The following LHFPL3 variants were observed in gnomAD, a reference collection of about 807,000 sequenced individuals.
LHFPL3 encodes the protein LHFPL tetraspan subfamily member 3 protein.
Under a neutral mutation model 19.3 loss-of-function variants are expected in LHFPL3, and 5 were observed. The ratio of observed to expected loss-of-function variants is 0.26; its 90% CI spans 0.14 to 0.54. The LOEUF is 0.54. LHFPL3 is among the 20% of genes least tolerant of loss of function. The pLI is 0.94. For missense variants in LHFPL3, 249 were observed against 307.4 expected (o/e 0.81, Z 1.42); for synonymous variants, 133 against 126.2 (o/e 1.05, Z -0.36).
At chr7:104,391,783 G>T (rs1210782585) in intron 1 of LHFPL3, among the ~76,000 whole-genome samples, 1 of 152,066 alleles carries the variant, frequency 6.6e-6, no homozygotes, top group Admixed American at 6.6e-5. Flanking sequence ...GGCAGTATGA[G>T]CATTTTCACA....
chr7:104,458,319 C>G (rs575685644), intron 1 of LHFPL3, among the ~76,000 whole-genome samples: 4 of 152,316 alleles, frequency 2.6e-5, no homozygotes, highest in Admixed American at 2.6e-4. Context: ...GATCCAGTTT[C>G]AGCTTTCTAC....
Position 104,481,079 on chromosome 7 carries a change from G to A in LHFPL3, c.445+151855G>A, listed in dbSNP as rs191083636. Among the ~76,000 whole-genome samples, 34 of 152,088 alleles carry A rather than the reference G, an allele frequency of 2.2e-4. No homozygotes were observed. The East Asian group carries it at 5.8e-3, about 26-fold the overall frequency. ...CACAGTCATCATCTATTAAATGCTG[G>A]GCTGCCCTAACACAGACATTTCTAC... On this transcript the variant is annotated intron_variant, in intron 1 of 2. Coordinates refer to ENST00000424859, the MANE Select transcript of LHFPL3 (RefSeq NM_199000.3).
intron 1 of LHFPL3, among the ~76,000 whole-genome samples, chr7:104,729,818 C>T (rs1793661699): frequency 6.6e-6 from 1 of 152,000 alleles, no homozygotes; most frequent in African/African-American, 2.4e-5. Flanking sequence ...CATATGTATA[C>T]ATGTGACATG....
chr7:104,471,578 G>T (rs1046626419), intron 1 of LHFPL3, among the ~76,000 whole-genome samples: 4 of 152,202 alleles, frequency 2.6e-5, no homozygotes, highest in African/African-American at 9.7e-5. Flanking sequence ...TTTAAAGCCT[G>T]TGGTCTTGAA....
chr7:104,858,815 C>T lies in LHFPL3; in HGVS notation c.683-47372C>T, dbSNP rs191243187. Among the ~76,000 whole-genome samples, 11 of 152,072 alleles carry T rather than the reference C, an allele frequency of 7.2e-5. No individual in the cohort carries two copies. The East Asian group carries it at 2.1e-3, about 29-fold the overall frequency. ...AGTCTGTCAATTACTTTTTTTTCTCCACATTGGAGTACTTTCTCCCAAGTT... is the reference window on the plus strand; with the variant it reads ...AGTCTGTCAATTACTTTTTTTTCTCTACATTGGAGTACTTTCTCCCAAGTT... On this transcript the variant is annotated intron_variant, in intron 2 of 2. Transcript: ENST00000424859.
intron 2 of LHFPL3, among the ~76,000 whole-genome samples, chr7:104,750,988 G>A (rs1002076712): frequency 5.3e-5 from 8 of 151,930 alleles, no homozygotes; most frequent in African/African-American, 1.7e-4. Context: ...GTTATATTCT[G>A]TTTATTTAAG....
At chr7:104,338,093 CTTTTTTTT>C (rs71296520) in intron 1 of LHFPL3, among the ~76,000 whole-genome samples, 2 of 85,846 alleles carry the variant, frequency 2.3e-5, no homozygotes, top group East Asian at 3.9e-4. Flanking sequence ...TTTCCTTTTT[CTTTTTTTT>C]TTTTTTTTTT....
intron 2 of LHFPL3, among the ~76,000 whole-genome samples, chr7:104,856,928 C>T (rs1484012750): frequency 6.6e-6 from 1 of 151,994 alleles, no homozygotes; most frequent in Non-Finnish European, 1.5e-5. Flanking sequence ...TCTCAGGCTG[C>T]AAGAATAGGA....
At chr7:104,714,873 T>TG (rs1334044597) in intron 1 of LHFPL3, among the ~76,000 whole-genome samples, 115 of 152,024 alleles carry the variant, frequency 7.6e-4, no homozygotes, top group African/African-American at 2.3e-3. Context: ...GAGGGATGCG[T>TG]TTGTGTGTGT....
chr7:104,871,521 ATT>A (rs1024936522), intron 2 of LHFPL3, among the ~76,000 whole-genome samples: 3 of 152,080 alleles, frequency 2.0e-5, no homozygotes, highest in East Asian at 1.9e-4. Context: ...TATTTTTAAT[ATT>A]TTTCTTTCCT....
At chr7:104,505,944 C>T (rs1230120350) in intron 1 of LHFPL3, among the ~76,000 whole-genome samples, 1 of 152,048 alleles carries the variant, frequency 6.6e-6, no homozygotes, top group African/African-American at 2.4e-5. Context: ...CTAAAATGGA[C>T]TTAATTACAC....
chr7:104,704,180 A>G (rs187495197), intron 1 of LHFPL3, among the ~76,000 whole-genome samples: 26 of 152,334 alleles, frequency 1.7e-4, no homozygotes, highest in Admixed American at 1.7e-3. Context: ...AAATGATTAT[A>G]CTATGAAAAT....
chr7:104,706,108 C>T (rs1214873137), intron 1 of LHFPL3, among the ~76,000 whole-genome samples: 2 of 152,058 alleles, frequency 1.3e-5, no homozygotes, highest in East Asian at 3.9e-4. Context: ...ATTCTCAGGC[C>T]TCCATCTTCT....
At chr7:104,381,580 C>T (rs1289174768) in intron 1 of LHFPL3, among the ~76,000 whole-genome samples, 2 of 121,182 alleles carry the variant, frequency 1.7e-5, no homozygotes, top group African/African-American at 3.6e-5. Context: ...CCCTCCCACA[C>T]GCAGTTATTA....
intron 2 of LHFPL3, among the ~76,000 whole-genome samples, chr7:104,802,323 T>C (rs1363858891): frequency 6.6e-6 from 1 of 151,756 alleles, no homozygotes; most frequent in Non-Finnish European, 1.5e-5. Context: ...GGTGAAACCC[T>C]GCCTCTACAA....
chr7:104,673,055 G>T (rs546329820), intron 1 of LHFPL3, among the ~76,000 whole-genome samples: 7 of 152,176 alleles, frequency 4.6e-5, no homozygotes, highest in Admixed American at 2.0e-4. Flanking sequence ...TCACTTACTG[G>T]TTAATTTACA....
At chr7:104,446,322 C>A (rs943625400) in intron 1 of LHFPL3, among the ~76,000 whole-genome samples, 5 of 152,108 alleles carry the variant, frequency 3.3e-5, no homozygotes, top group African/African-American at 1.2e-4. Flanking sequence ...CACTGGAAGA[C>A]CTTGCAGAGC....
chr7:104,823,902 T>C (rs752505299), intron 2 of LHFPL3, among the ~76,000 whole-genome samples: 1 of 151,658 alleles, frequency 6.6e-6, no homozygotes, highest in Non-Finnish European at 1.5e-5. Context: ...TCCCAGCACT[T>C]TGGGAGGCCA....
intron 1 of LHFPL3, among the ~76,000 whole-genome samples, chr7:104,424,707 C>G (rs1562893210): frequency 6.6e-6 from 1 of 152,040 alleles, no homozygotes; most frequent in Non-Finnish European, 1.5e-5. Context: ...AAGTATCTGA[C>G]TTGGCCGGGC....
Sources: gnomAD v4.1 joint callset for allele counts (sites outside exome capture counted in the v4.1 genomes callset) on GRCh38, gnomAD v4.1.1 for gene constraint, MANE v1.5 for transcripts, NCBI Gene and HGNC (gene_info 2026-07-23, HGNC 2026-07-21) for gene names.